Variants in KDM4B observed in about 807,000 individuals in gnomAD.
The protein encoded by KDM4B is lysine-specific demethylase 4B.
A neutral mutation model predicts 125.2 loss-of-function variants in KDM4B; 32 were observed. That is an observed-to-expected ratio of 0.26 (90% CI 0.19 to 0.34). The LOEUF is 0.34. Among genes scored for constraint, KDM4B ranks in the 10% least tolerant of loss-of-function variants. The pLI is 1.00. For missense variants in KDM4B, 1,190 were observed against 1,577.7 expected, an observed-to-expected ratio of 0.75 and a Z score of 4.16; for synonymous variants, 721 against 677.9, an observed-to-expected ratio of 1.06 and a Z score of -0.99.
intron 6 of KDM4B, among the ~76,000 whole-genome samples, chr19:5,056,867 T>C (rs1599521074): frequency 1.9e-5 from 2 of 106,986 alleles, no homozygotes; most frequent in African/African-American, 3.6e-5. Flanking sequence ...GGGCGGGGAG[T>C]CCTGGGGCGG....
intron 1 of KDM4B, among the ~76,000 whole-genome samples, chr19:4,986,380 A>T (rs1353553510): frequency 6.6e-6 from 1 of 152,140 alleles, no homozygotes; most frequent in African/African-American, 2.4e-5. Flanking sequence ...GGTGATGGCC[A>T]CTGAGCGCTG....
chr19:5,088,773 C>T (rs536362236), intron 9 of KDM4B, among the ~76,000 whole-genome samples: 46 of 151,832 alleles, frequency 3.0e-4, no homozygotes, highest in African/African-American at 9.2e-4. Flanking sequence ...CAGCTTCATC[C>T]GCACATCCCT....
In KDM4B at chr19:5,065,006, C is replaced by T. The variant is rs113358493; in HGVS notation, c.627-6004C>T. On this transcript the variant is annotated intron_variant, in intron 6 of 22. Coordinates refer to ENST00000159111, the MANE Select transcript of KDM4B (RefSeq NM_015015.3). ...CAGGATATTGGACCCCCACCTCCTC[C>T]GCCTCGGGTTCCGAGGTCAGGTGCG... is the stretch of plus-strand genomic sequence containing the variant. Among the ~76,000 whole-genome samples, 750 of 152,350 alleles carry T rather than the reference C, an allele frequency of 4.9e-3. 7 individuals are homozygous for T. Among genetic ancestry groups the T allele is most frequent in the African/African-American group, 0.017 (695 of 41,582 alleles).
intron 2 of KDM4B, among the ~76,000 whole-genome samples, chr19:5,019,146 T>G (rs1434399580): frequency 4.3e-5 from 6 of 140,796 alleles, no homozygotes; most frequent in Non-Finnish European, 9.0e-5. Flanking sequence ...GTGCAGGTGT[T>G]GGTGTGGGTG....
At position 5,024,523 on chromosome 19, in the gene KDM4B, A is replaced by G. The variant is rs566838470; in HGVS notation, c.-26+8184A>G. On this transcript the variant is annotated intron_variant, in intron 2 of 22. Coordinates refer to ENST00000159111, the MANE Select transcript of KDM4B (RefSeq NM_015015.3). ...CCCCCAGGTTGCAGAGGAGCTGTCC[A>G]GGACAGCCGGGGTGGGGCCGCCCAT... Among the ~76,000 whole-genome samples, 88 of 152,196 alleles carry G rather than the reference A, an allele frequency of 5.8e-4. 1 individual carries two copies. In the South Asian group the frequency reaches 0.018, roughly 31 times the overall value.
At position 5,077,386 on chromosome 19, in the gene KDM4B, G is replaced by T. The variant is rs200324591; in HGVS notation, c.696G>T (p.Ser232=). The change falls in exon 8 of 23, where the codon TCG becomes TCT. Residue 232 remains serine, a synonymous_variant. Transcript: ENST00000159111. The part of the protein sequence containing the change: ...RLAIGFFPGS[S]QGCDAFLRHK... ...CCCTAGGCTTCTTCCCCGGGAGCTC[G>T]CAGGGCTGCGACGCCTTCCTGCGGC... The T allele has an allele frequency of 1.2e-6, 2 of 1,613,018 alleles. No individual in the cohort carries two copies. Among genetic ancestry groups the T allele is most frequent in the South Asian group, 1.1e-5 (1 of 91,088 alleles).
In KDM4B at chr19:5,047,687, C is replaced by T; in HGVS notation, c.626+18C>T. 1 of 1,609,256 alleles carries T rather than the reference C, an allele frequency of 6.2e-7. No individual in the cohort carries two copies. Among genetic ancestry groups the T allele is most frequent in the South Asian group, 1.1e-5 (1 of 90,848 alleles). On this transcript the variant is annotated intron_variant, in intron 6 of 22. Coordinates refer to ENST00000159111, the MANE Select transcript of KDM4B (RefSeq NM_015015.3). The stretch of plus-strand genomic sequence containing the variant: ...AAGTCCTGGTGAGTGTCTGCACTGG[C>T]CCTGCCGCCGGCCGGACCGAGAGCC...
At chr19:5,145,809 G>A (rs1482546962) in intron 21 of KDM4B, among the ~76,000 whole-genome samples, 1 of 152,150 alleles carries the variant, frequency 6.6e-6, no homozygotes, top group Non-Finnish European at 1.5e-5. Context: ...GTCACCTCGG[G>A]TCACGCGGCG....
intron 11 of KDM4B, among the ~76,000 whole-genome samples, chr19:5,130,135 C>T (rs1260490080): frequency 6.6e-6 from 1 of 152,166 alleles, no homozygotes; most frequent in African/African-American, 2.4e-5. Flanking sequence ...CTCACCCTCC[C>T]GCCTCATCTT....
intron 11 of KDM4B, among the ~76,000 whole-genome samples, chr19:5,123,491 C>T (rs556309047): frequency 3.9e-5 from 6 of 152,348 alleles, no homozygotes; most frequent in Middle Eastern, 3.4e-3. Context: ...CTCATCATAA[C>T]TCATTCCGTC....
In KDM4B at chr19:5,043,338, G is replaced by A. The variant is rs2037375352; in HGVS notation, c.432+2087G>A. On this transcript the variant is annotated intron_variant, in intron 5 of 22. Coordinates refer to ENST00000159111, the MANE Select transcript of KDM4B (RefSeq NM_015015.3). ...CGGAGTGGGGTGTCCACCTTATCCT[G>A]CGCAGCATTTATCGGAGTGGGGGTG... Among the ~76,000 whole-genome samples, 4 of 143,324 alleles carry A rather than the reference G, an allele frequency of 2.8e-5. 1 individual carries two copies. The South Asian group carries it at 9.2e-4, about 33-fold the overall frequency. The allele number at this position is 143,324 out of a possible 152,430, so 94.0% of individuals were successfully genotyped here.
chr19:5,151,311 C>T (rs10414796), intron 22 of KDM4B, 24 bp from the exon 23 acceptor site: 81,719 of 1,495,106 alleles, frequency 0.055, 2,741 homozygotes, highest in African/African-American at 0.14. Flanking sequence ...CCGTGCTAAC[C>T]ACTGTGCTTC....
chr19:5,083,383 G>C (rs1035675733), intron 9 of KDM4B, among the ~76,000 whole-genome samples: 1 of 152,222 alleles, frequency 6.6e-6, no homozygotes, highest in Non-Finnish European at 1.5e-5. Context: ...GACGTGGACG[G>C]GGCTTATGAA....
intron 10 of KDM4B, chr19:5,119,021 C>T (rs1270487146): frequency 4.3e-6 from 3 of 697,534 alleles, no homozygotes; most frequent in Non-Finnish European, 7.4e-6. Context: ...GAGAGAGGAC[C>T]CAGGGAGTTG....
intron 2 of KDM4B, among the ~76,000 whole-genome samples, chr19:5,019,498 G>A (rs532688327): frequency 6.6e-6 from 1 of 150,494 alleles, no homozygotes; most frequent in East Asian, 2.0e-4. Context: ...AGGTGTTGGT[G>A]TGGATGTTGG....
chr19:4,987,802 G>A (rs552137536), intron 1 of KDM4B, among the ~76,000 whole-genome samples: 6 of 152,130 alleles, frequency 3.9e-5, no homozygotes, highest in African/African-American at 7.2e-5. Context: ...TCCAGGCGTC[G>A]CCCAGGTGAT....
intron 9 of KDM4B, among the ~76,000 whole-genome samples, chr19:5,091,126 C>T (rs960060699): frequency 5.9e-5 from 9 of 152,372 alleles, no homozygotes; most frequent in South Asian, 2.1e-4. Context: ...CAAGCCTGCA[C>T]GCCATGTTAG....
intron 1 of KDM4B, among the ~76,000 whole-genome samples, chr19:4,983,640 C>T (rs764705530): frequency 3.3e-5 from 5 of 152,108 alleles, no homozygotes; most frequent in Non-Finnish European, 5.9e-5. Context: ...GCTTAGGAGG[C>T]GCTTGGCACT....
chr19:5,073,837 C>G (rs1163510274), intron 7 of KDM4B, among the ~76,000 whole-genome samples: 1 of 152,150 alleles, frequency 6.6e-6, no homozygotes, highest in Non-Finnish European at 1.5e-5. Flanking sequence ...TGGACTCTGG[C>G]CAGGTGCAGT....
Sources: gnomAD v4.1 joint callset for allele counts (sites outside exome capture counted in the v4.1 genomes callset) on GRCh38, gnomAD v4.1.1 for gene constraint, MANE v1.5 for transcripts, NCBI Gene and HGNC (gene_info 2026-07-23, HGNC 2026-07-21) for gene names.